GLIS3: variants seen among roughly 807,000 people sequenced by gnomAD.
GLIS3 encodes the protein GLIS family zinc finger 3.
GLIS3 carries 53 observed loss-of-function variants against 78.6 expected under a neutral mutation model. That is an observed-to-expected ratio of 0.67 (90% CI 0.54 to 0.85). The LOEUF is 0.85. Ranked by LOEUF, GLIS3 falls within the 40% of genes least tolerant of loss-of-function variation. The pLI is 0.00. For synonymous variants in GLIS3, 684 were observed against 509.9 expected (o/e 1.34, Z -4.60); for missense variants, 1,703 against 1,231.1 (o/e 1.38, Z -5.74).
At chr9:4,103,590 G>T (rs1011804401) in intron 4 of GLIS3, among the ~76,000 whole-genome samples, 1 of 152,112 alleles carries the variant, frequency 6.6e-6, no homozygotes, top group Non-Finnish European at 1.5e-5. Context: ...TCTGTTCCTG[G>T]ACTCTGTCAT....
chr9:4,469,204 AC>A, the GLIS3 span, among the ~76,000 whole-genome samples: 1 of 152,146 alleles, frequency 6.6e-6, no homozygotes, highest in South Asian at 2.1e-4. Flanking sequence ...TTAACACCCC[AC>A]TGTCAACATT....
At chr9:4,374,906 C>G in the GLIS3 span, among the ~76,000 whole-genome samples, 1 of 152,214 alleles carries the variant, frequency 6.6e-6, no homozygotes, top group Non-Finnish European at 1.5e-5. Context: ...CCTGACAACT[C>G]ATCTCGAGCA....
At chr9:3,985,040 T>A (rs1388150210) in intron 4 of GLIS3, among the ~76,000 whole-genome samples, 1 of 151,574 alleles carries the variant, frequency 6.6e-6, no homozygotes, top group Non-Finnish European at 1.5e-5. Context: ...AATTGCCCAG[T>A]CTCAGGTATG....
At chr9:3,910,121 A>G (rs1034394643) in intron 6 of GLIS3, among the ~76,000 whole-genome samples, 4 of 152,158 alleles carry the variant, frequency 2.6e-5, no homozygotes, top group Non-Finnish European at 4.4e-5. Context: ...AAGTTGAACT[A>G]TAATCTGCCA....
intron 2 of GLIS3, among the ~76,000 whole-genome samples, chr9:4,249,510 G>C (rs1587142254): frequency 6.6e-6 from 1 of 152,166 alleles, no homozygotes; most frequent in South Asian, 2.1e-4. Flanking sequence ...AGCTTAAGGA[G>C]GTTTGGGGCT....
At chr9:3,956,335 G>A (rs934056601) in intron 4 of GLIS3, among the ~76,000 whole-genome samples, 1 of 152,202 alleles carries the variant, frequency 6.6e-6, no homozygotes, top group African/African-American at 2.4e-5. Context: ...CTATTAAAAT[G>A]TTACAACCAA....
intron 2 of GLIS3, among the ~76,000 whole-genome samples, chr9:4,233,209 T>A (rs1324373986): frequency 6.6e-6 from 1 of 152,234 alleles, no homozygotes; most frequent in East Asian, 1.9e-4. Flanking sequence ...CTTGGTTAGC[T>A]ATTGCTTCTC....
the GLIS3 span, among the ~76,000 whole-genome samples, chr9:4,370,437 T>G: frequency 6.6e-6 from 1 of 152,056 alleles, no homozygotes; most frequent in African/African-American, 2.4e-5. Context: ...GATTTTCAGC[T>G]GTAAATATAG....
the GLIS3 span, among the ~76,000 whole-genome samples, chr9:4,488,118 TGGTC>T: frequency 2.0e-5 from 3 of 151,686 alleles, no homozygotes; most frequent in South Asian, 2.1e-4. Flanking sequence ...GTTGGTTGGT[TGGTC>T]GGTTTAGTTT....
chr9:4,376,596 G>T, the GLIS3 span, among the ~76,000 whole-genome samples: 2 of 134,800 alleles, frequency 1.5e-5, no homozygotes, highest in East Asian at 2.2e-4. Flanking sequence ...TAGGTAGTTG[G>T]TTCCGTCCTA....
intron 6 of GLIS3, chr9:3,900,826 C>A (rs1342508615): frequency 2.0e-5 from 3 of 152,034 alleles, no homozygotes; most frequent in Non-Finnish European, 1.5e-5. Flanking sequence ...CTTCTGCTTT[C>A]TGTAAGGTCC....
chr9:3,863,339 A>C (rs189824776), intron 8 of GLIS3, among the ~76,000 whole-genome samples: 1 of 152,352 alleles, frequency 6.6e-6, no homozygotes, highest in African/African-American at 2.4e-5. Context: ...GGGAACTGCA[A>C]ATTGAATTCG....
intron 4 of GLIS3, among the ~76,000 whole-genome samples, chr9:3,995,515 T>C (rs1820674362): frequency 1.3e-5 from 2 of 151,804 alleles, no homozygotes; most frequent in African/African-American, 2.4e-5. Flanking sequence ...TATGTGTAAG[T>C]ATGGAAATAT....
chr9:4,260,663 T>TCCC (rs1563851163), intron 2 of GLIS3, among the ~76,000 whole-genome samples: 1 of 152,056 alleles, frequency 6.6e-6, no homozygotes, highest in East Asian at 1.9e-4. Context: ...CAAGAATCTG[T>TCCC]TGAACCCGGG....
intron 4 of GLIS3, among the ~76,000 whole-genome samples, chr9:4,115,565 A>G (rs537469506): frequency 2.0e-4 from 31 of 152,266 alleles, no homozygotes; most frequent in African/African-American, 7.5e-4. Context: ...TGTGGATTAC[A>G]ACTTAAGAGG....
intron 8 of GLIS3, among the ~76,000 whole-genome samples, chr9:3,859,919 G>A (rs1165640510): frequency 6.6e-6 from 1 of 152,148 alleles, no homozygotes; most frequent in African/African-American, 2.4e-5. Flanking sequence ...ACCCTACCAT[G>A]AGCAATGGCA....
At chr9:4,123,774 T>C in intron 3 of GLIS3, 1 of 398,274 alleles carries the variant, frequency 2.5e-6, no homozygotes. Flanking sequence ...CCACCCATGG[T>C]CGTCTCTGGG....
In GLIS3 at chr9:3,852,247, T is replaced by G; in HGVS notation, c.2473+3762A>C. Reference sequence around the variant, plus strand: ...GCAATGCCCAGACATTTTATATTCTTATTTGTCTCAGTTCTTGTCTCTAAA... The same window carrying G: ...GCAATGCCCAGACATTTTATATTCTGATTTGTCTCAGTTCTTGTCTCTAAA... On this transcript the variant is annotated intron_variant, in intron 9 of 10. Transcript: ENST00000381971. 1.3e-5 allele frequency among the ~76,000 whole-genome samples: 2 copies of G among 152,212 alleles called. 1 individual carries two copies. The highest frequency in any genetic ancestry group is 3.8e-4 in the East Asian group (2 of 5,208).
chr9:4,488,218 G>GT, the GLIS3 span, among the ~76,000 whole-genome samples: 1 of 152,058 alleles, frequency 6.6e-6, no homozygotes, highest in African/African-American at 2.4e-5. Flanking sequence ...GCTTCCCAAA[G>GT]TGCTGGGATT....
Sources: allele counts gnomAD v4.1 joint callset (sites outside exome capture counted in the v4.1 genomes callset), GRCh38; gene constraint gnomAD v4.1.1; transcripts MANE v1.5; gene names NCBI Gene and HGNC (gene_info 2026-07-23, HGNC 2026-07-21).